Variants in NXNL2 observed in about 807,000 individuals in gnomAD.
NXNL2 encodes nucleoredoxin-like protein 2.
Under a neutral mutation model 11.1 loss-of-function variants are expected in NXNL2, and 7 were observed. The ratio of observed to expected loss-of-function variants is 0.63; its 90% CI spans 0.36 to 1.18. The LOEUF (loss-of-function observed/expected upper bound fraction) is 1.18. NXNL2 is among the 50% of genes most tolerant of loss of function. NXNL2 has a pLI of 0.02. For synonymous variants in NXNL2, 109 were observed against 101.8 expected, an observed-to-expected ratio of 1.07 and a Z score of -0.42; for missense variants, 233 against 217.7, an observed-to-expected ratio of 1.07 and a Z score of -0.44.
chr9:88,576,959 G>T (rs1177378570), downstream of NXNL2, among the ~76,000 whole-genome samples: 1 of 14,684 alleles, frequency 6.8e-5, no homozygotes, highest in Admixed American at 9.1e-4. Context: ...CACCCATAGA[G>T]TGGTAGGTAG....
At chr9:88,574,362 G>A (rs1158829532) in intron 2 of NXNL2, among the ~76,000 whole-genome samples, 1 of 152,156 alleles carries the variant, frequency 6.6e-6, no homozygotes, top group Non-Finnish European at 1.5e-5. Flanking sequence ...AGGAGGTCCC[G>A]ATGACATATG....
At chr9:88,539,198 C>T (rs1401215259) in intron 1 of NXNL2, among the ~76,000 whole-genome samples, 3 of 152,220 alleles carry the variant, frequency 2.0e-5, no homozygotes, top group African/African-American at 7.2e-5. Context: ...GATTGCATTT[C>T]TGATGAGTTT....
chr9:88,536,631 T>C (rs1447391742), intron 1 of NXNL2, among the ~76,000 whole-genome samples: 1 of 152,204 alleles, frequency 6.6e-6, no homozygotes, highest in Non-Finnish European at 1.5e-5. Context: ...GTTGTGGCAT[T>C]ACCCCCTAAA....
At chr9:88,550,452 T>A (rs1425922965) in intron 1 of NXNL2, among the ~76,000 whole-genome samples, 1 of 152,106 alleles carries the variant, frequency 6.6e-6, no homozygotes, top group Non-Finnish European at 1.5e-5. Context: ...AAGACACAAA[T>A]TTAATGGCTT....
At chr9:88,546,742 C>T (rs555561635), downstream of NXNL2, among the ~76,000 whole-genome samples, 15 of 152,092 alleles carry the variant, frequency 9.9e-5, no homozygotes, top group Non-Finnish European at 1.6e-4. Flanking sequence ...TATAACATCC[C>T]AAACAATTTT....
At chr9:88,542,209 G>C (rs1349152367) in intron 1 of NXNL2, among the ~76,000 whole-genome samples, 1 of 151,204 alleles carries the variant, frequency 6.6e-6, no homozygotes, top group Non-Finnish European at 1.5e-5. Context: ...CTCCAGCCTG[G>C]GCGACAGAGC....
intron 1 of NXNL2, among the ~76,000 whole-genome samples, chr9:88,544,008 A>G (rs1829809903): frequency 6.6e-6 from 1 of 152,162 alleles, no homozygotes; most frequent in Non-Finnish European, 1.5e-5. Flanking sequence ...CATCTCTACT[A>G]AAAATACAAA....
chr9:88,536,850 G>A (rs1355565235), intron 1 of NXNL2, among the ~76,000 whole-genome samples: 1 of 152,126 alleles, frequency 6.6e-6, no homozygotes, highest in Non-Finnish European at 1.5e-5. Flanking sequence ...ACTCACACCG[G>A]GACTCTGAAA....
chr9:88,581,873 C>T (rs1391140478), intron 1 of NXNL2, among the ~76,000 whole-genome samples: 1 of 152,198 alleles, frequency 6.6e-6, no homozygotes, highest in Admixed American at 6.5e-5. Context: ...CTTTTCTCTA[C>T]AGTTGAGAAG....
At position 88,544,697 on chromosome 9, in the gene NXNL2, A is replaced by AGGAGG; in HGVS notation, c.*150_*151insGGAGG. 2.8e-6 allele frequency: 4 copies of AGGAGG among 1,411,128 alleles called. No individual in the cohort carries two copies. The highest frequency in any genetic ancestry group is 3.7e-6 in the Non-Finnish European group (4 of 1,084,640). 87.4% of individuals were successfully genotyped at this position (1,411,128 alleles called of 1,614,324 possible). ...ACTAAGCTGTGGTCAAAAAGCAACT[A>AGGAGG]TTGCTCAGGAAATAATACACTCCAT... is the stretch of plus-strand genomic sequence containing the variant. On this transcript the variant is annotated 3_prime_UTR_variant, in exon 2 of 2. Transcript: ENST00000375854.
intron 1 of NXNL2, among the ~76,000 whole-genome samples, chr9:88,552,627 C>A (rs549053192): frequency 1.3e-5 from 2 of 151,960 alleles, no homozygotes; most frequent in Non-Finnish European, 2.9e-5. Flanking sequence ...CCCACCACCA[C>A]GCCCAGCTAA....
chr9:88,567,372 C>T (rs1033394955), intron 1 of NXNL2, among the ~76,000 whole-genome samples: 2 of 152,084 alleles, frequency 1.3e-5, no homozygotes, highest in East Asian at 1.9e-4. Context: ...CTCTTGACTT[C>T]GTGATTTGCC....
chr9:88,571,036 G>T (rs1488309428), intron 1 of NXNL2: 1 of 389,206 alleles, frequency 2.6e-6, no homozygotes, highest in Non-Finnish European at 4.9e-6. Context: ...AGCCACCGGT[G>T]CCAGGTCCCC....
intron 2 of NXNL2, among the ~76,000 whole-genome samples, chr9:88,573,615 G>T (rs191252130): frequency 6.6e-6 from 1 of 152,196 alleles, no homozygotes; most frequent in African/African-American, 2.4e-5. Flanking sequence ...CGAGCAAGTG[G>T]TTGAATGCAT....
At chr9:88,565,275 G>A (rs1405975176) in intron 1 of NXNL2, among the ~76,000 whole-genome samples, 1 of 152,130 alleles carries the variant, frequency 6.6e-6, no homozygotes, top group African/African-American at 2.4e-5. Flanking sequence ...GGACATGATG[G>A]TTATGTTTCC....
chr9:88,558,680 T>C (rs1830048827), intron 1 of NXNL2, among the ~76,000 whole-genome samples: 1 of 152,142 alleles, frequency 6.6e-6, no homozygotes, highest in Non-Finnish European at 1.5e-5. Context: ...ACCTGCCTGC[T>C]AACTATAGGC....
intron 1 of NXNL2, among the ~76,000 whole-genome samples, chr9:88,583,025 A>G (rs1830426074): frequency 6.6e-6 from 1 of 152,056 alleles, no homozygotes; most frequent in Non-Finnish European, 1.5e-5. Context: ...CATTTCTTCT[A>G]GTTTGGGCCA....
chr9:88,541,536 C>T (rs1448385582), intron 1 of NXNL2, among the ~76,000 whole-genome samples: 2 of 152,184 alleles, frequency 1.3e-5, no homozygotes, highest in Admixed American at 6.5e-5. Context: ...GCTGGGATTA[C>T]AGGCGTGAGC....
At chr9:88,555,948 C>T (rs574659281) in intron 1 of NXNL2, among the ~76,000 whole-genome samples, 1 of 152,346 alleles carries the variant, frequency 6.6e-6, no homozygotes, top group East Asian at 1.9e-4. Flanking sequence ...CCAGCACAGG[C>T]ATGGGCTCCA....
Sources: allele counts gnomAD v4.1 joint callset (sites outside exome capture counted in the v4.1 genomes callset), GRCh38; gene constraint gnomAD v4.1.1; transcripts MANE v1.5; gene names NCBI Gene and HGNC (gene_info 2026-07-23, HGNC 2026-07-21).